The following PID1 variants were observed in gnomAD, a reference collection of about 807,000 sequenced individuals.
PID1 encodes phosphotyrosine interaction domain containing 1.
A neutral mutation model predicts 19.1 loss-of-function variants in PID1; 10 were observed. The observed-to-expected ratio is 0.52, with a 90% CI of 0.32 to 0.89. The LOEUF is 0.89. Among genes scored for constraint, PID1 ranks in the 40% least tolerant of loss-of-function variants. The probability of loss-of-function intolerance (pLI) is 0.03; values close to 1 mark genes in which losing one functional copy is unlikely to be tolerated. For missense variants in PID1, 248 were observed against 285.3 expected, an observed-to-expected ratio of 0.87 and a Z score of 0.94; for synonymous variants, 130 against 116.0, an observed-to-expected ratio of 1.12 and a Z score of -0.78.
chr2:229,114,134 T>TC (rs1559239213), intron 2 of PID1, among the ~76,000 whole-genome samples: 19 of 136,928 alleles, frequency 1.4e-4, no homozygotes, highest in African/African-American at 4.7e-4. Flanking sequence ...TCTCTCTCTC[T>TC]TTCTCTCTCT....
chr2:229,073,217 G>C (rs897873971), intron 2 of PID1, among the ~76,000 whole-genome samples: 10 of 152,064 alleles, frequency 6.6e-5, no homozygotes, highest in Admixed American at 3.3e-4. Context: ...AGTAGAGATG[G>C]GGTTTCACCA....
intron 2 of PID1, among the ~76,000 whole-genome samples, chr2:229,138,282 G>A (rs991804328): frequency 3.3e-5 from 5 of 152,084 alleles, no homozygotes; most frequent in African/African-American, 1.2e-4. Flanking sequence ...TAAAAACTGT[G>A]CTCTAAAAAC....
intron 2 of PID1, among the ~76,000 whole-genome samples, chr2:229,057,436 A>G (rs577704027): frequency 4.3e-4 from 64 of 149,632 alleles, no homozygotes; most frequent in Admixed American, 6.7e-4. Context: ...AGCCTGAGCG[A>G]CAGGGCCAAA....
At chr2:229,104,114 C>G (rs1239039702) in intron 2 of PID1, among the ~76,000 whole-genome samples, 1 of 152,068 alleles carries the variant, frequency 6.6e-6, no homozygotes, top group Non-Finnish European at 1.5e-5. Context: ...TTTCTAGAGG[C>G]AGCTATCTAA....
At chr2:229,078,565 G>T (rs1168883045) in intron 2 of PID1, among the ~76,000 whole-genome samples, 1 of 152,132 alleles carries the variant, frequency 6.6e-6, no homozygotes, top group Non-Finnish European at 1.5e-5. Context: ...TTTGAGATAT[G>T]TTCCATCAAT....
chr2:229,144,073 T>C (rs1189918488), intron 2 of PID1, among the ~76,000 whole-genome samples: 1 of 152,110 alleles, frequency 6.6e-6, no homozygotes, highest in Non-Finnish European at 1.5e-5. Context: ...TCACAGTGCT[T>C]AGTAGAAATT....
chr2:229,249,774 C>A (rs182844482), intron 1 of PID1, among the ~76,000 whole-genome samples: 142 of 148,756 alleles, frequency 9.5e-4, no homozygotes, highest in African/African-American at 3.3e-3. Context: ...ATCCCCCAGG[C>A]AGGGCAGGTG....
rs372924123 is a variant in PID1 at position 229,155,900 on chromosome 2, G to A, written c.95C>T (p.Ala32Val). 28 of 1,613,762 alleles carry A rather than the reference G, an allele frequency of 1.7e-5. No homozygotes were observed. The highest frequency in any genetic ancestry group is 8.9e-5 in the East Asian group (4 of 44,886). ...GGCCTCCGGCTCATGGAAGATGACC[G>A]CTGGGAGAGGTTCCTTTTTCAGTGT... ...VLTLKKEPLP[A>V]VIFHEPEAIE... Residue 32 changes from alanine (A) to valine (V), a missense_variant, in exon 2 of 3, where the codon GCG (alanine) becomes GTG (valine). Transcript: ENST00000392055.
chr2:229,083,869 T>G (rs1214461491), intron 2 of PID1, among the ~76,000 whole-genome samples: 1 of 152,184 alleles, frequency 6.6e-6, no homozygotes, highest in Non-Finnish European at 1.5e-5. Context: ...AGGGGCAACC[T>G]CATGACAGAA....
chr2:229,228,754 C>T (rs1319990921), intron 1 of PID1, among the ~76,000 whole-genome samples: 1 of 152,044 alleles, frequency 6.6e-6, no homozygotes, highest in Non-Finnish European at 1.5e-5. Flanking sequence ...AAAACCATGT[C>T]GGTAGTTGTT....
At chr2:229,066,364 G>C (rs1308051437) in intron 2 of PID1, among the ~76,000 whole-genome samples, 2 of 152,218 alleles carry the variant, frequency 1.3e-5, no homozygotes, top group Non-Finnish European at 1.5e-5. Context: ...AGGTATTTCA[G>C]TGGGATTAGA....
At chr2:229,151,435 G>A (rs17476328) in intron 2 of PID1, among the ~76,000 whole-genome samples, 26,441 of 152,174 alleles carry the variant, frequency 0.17, 2,646 homozygotes, top group Non-Finnish European at 0.23. Context: ...CACTTAAACC[G>A]TTGAGTTGCC....
At chr2:229,252,856 A>C (rs1690190553) in intron 1 of PID1, among the ~76,000 whole-genome samples, 1 of 152,144 alleles carries the variant, frequency 6.6e-6, no homozygotes, top group Non-Finnish European at 1.5e-5. Flanking sequence ...ATTTCCTACA[A>C]AGCATCAAGT....
intron 1 of PID1, among the ~76,000 whole-genome samples, chr2:229,216,609 T>A (rs1691851929): frequency 6.6e-6 from 1 of 152,162 alleles, no homozygotes; most frequent in African/African-American, 2.4e-5. Flanking sequence ...ATCCTCGAGT[T>A]ATCAAGCTCT....
intron 1 of PID1, among the ~76,000 whole-genome samples, chr2:229,177,261 C>T (rs915010829): frequency 6.6e-6 from 1 of 152,098 alleles, no homozygotes; most frequent in Admixed American, 6.5e-5. Flanking sequence ...CCAACCATAT[C>T]GCCTCCCAAG....
At chr2:229,261,192 G>C (rs886765055) in intron 1 of PID1, among the ~76,000 whole-genome samples, 1 of 152,060 alleles carries the variant, frequency 6.6e-6, no homozygotes, top group Non-Finnish European at 1.5e-5. Context: ...CAGCCCTCAG[G>C]ACAAATTAAC....
intron 1 of PID1, among the ~76,000 whole-genome samples, chr2:229,162,969 TAAAC>T (rs1209737507): frequency 6.6e-6 from 1 of 152,192 alleles, no homozygotes; most frequent in African/African-American, 2.4e-5. Context: ...AAAATTCTGT[TAAAC>T]AATTTGTATA....
intron 1 of PID1, among the ~76,000 whole-genome samples, chr2:229,260,041 C>T (rs1690415265): frequency 6.6e-6 from 1 of 152,052 alleles, no homozygotes; most frequent in South Asian, 2.1e-4. Flanking sequence ...TACAGCAGCC[C>T]CCAAGCAGAC....
chr2:229,038,597 T>C (rs1693708783), intron 2 of PID1, among the ~76,000 whole-genome samples: 1 of 152,212 alleles, frequency 6.6e-6, no homozygotes, highest in African/African-American at 2.4e-5. Flanking sequence ...TCAATGGATA[T>C]TAATACTAAT....
Sources: allele counts gnomAD v4.1 joint callset (sites outside exome capture counted in the v4.1 genomes callset), GRCh38; gene constraint gnomAD v4.1.1; transcripts MANE v1.5; gene names NCBI Gene and HGNC (gene_info 2026-07-23, HGNC 2026-07-21).